ACTL8: variants seen among roughly 807,000 people sequenced by gnomAD.
ACTL8 encodes the protein actin like 8.
Under a neutral mutation model 9.3 loss-of-function variants are expected in ACTL8, and 3 were observed. The observed-to-expected ratio is 0.32, with a 90% CI of 0.15 to 0.83. The LOEUF is 0.83. Among genes scored for constraint, ACTL8 ranks in the 40% least tolerant of loss-of-function variants. ACTL8 has a pLI of 0.57. For synonymous variants in ACTL8, 224 were observed against 205.9 expected (o/e 1.09, Z -0.75); for missense variants, 381 against 492.2 (o/e 0.77, Z 2.14).
chr1:17,756,889 T>G (rs1183671157), intron 1 of ACTL8, among the ~76,000 whole-genome samples: 3 of 152,108 alleles, frequency 2.0e-5, no homozygotes, highest in African/African-American at 7.2e-5. Flanking sequence ...ATGAGGACTG[T>G]GAGAACTGTG....
intron 1 of ACTL8, among the ~76,000 whole-genome samples, chr1:17,761,221 C>G (rs1175531128): frequency 6.6e-6 from 1 of 151,678 alleles, no homozygotes; most frequent in Non-Finnish European, 1.5e-5. Context: ...AGCAGCCCTC[C>G]CGGCCTCCCA....
chr1:17,826,255 C>T lies in ACTL8; in HGVS notation c.837C>T (p.Ser279=), dbSNP rs551868811. 2.4e-5 allele frequency: 39 copies of T among 1,612,714 alleles called. No individual in the cohort carries two copies. Among genetic ancestry groups the T allele is most frequent in the Middle Eastern group, 1.6e-4 (1 of 6,082 alleles). Residue 279 remains serine (S), a synonymous_variant, in exon 3 of 3, where the codon TCC becomes TCT. Transcript: ENST00000375406. This position sits in a 1 kb window ranked among gnomAD's most constrained non-coding sequence, Gnocchi z 4.5. ...GCATCCCACGGGCCATTGTGGAATCCGTGGAGTCCTGCGAGATCTCCCTGC... is the reference window on the plus strand; with the variant it reads ...GCATCCCACGGGCCATTGTGGAATCTGTGGAGTCCTGCGAGATCTCCCTGC... ...GPSIPRAIVE[S]VESCEISLRP... is the part of the protein sequence containing the mutation.
chr1:17,788,210 C>T (rs937668823), intron 1 of ACTL8, among the ~76,000 whole-genome samples: 1 of 152,170 alleles, frequency 6.6e-6, no homozygotes, highest in African/African-American at 2.4e-5. Flanking sequence ...TTTATGATAT[C>T]CTTTGCTATG....
intron 2 of ACTL8, among the ~76,000 whole-genome samples, chr1:17,824,843 T>C (rs1385713278): frequency 2.0e-5 from 3 of 152,098 alleles, no homozygotes; most frequent in African/African-American, 7.2e-5. Context: ...TTGTATCTGA[T>C]TTTCTATTTG....
intron 1 of ACTL8, among the ~76,000 whole-genome samples, chr1:17,820,903 C>T (rs1310864731): frequency 6.6e-6 from 1 of 152,174 alleles, no homozygotes; most frequent in Non-Finnish European, 1.5e-5. Context: ...ATTTGCCATT[C>T]CCACCAGCTG....
At chr1:17,765,532 G>A (rs571392225) in intron 1 of ACTL8, among the ~76,000 whole-genome samples, 40 of 152,282 alleles carry the variant, frequency 2.6e-4, no homozygotes, top group Middle Eastern at 6.8e-3. Context: ...GTGAGGTAAC[G>A]TGCCCAAGCC....
intron 1 of ACTL8, among the ~76,000 whole-genome samples, chr1:17,791,566 G>A (rs146348562): frequency 3.2e-3 from 494 of 152,242 alleles, no homozygotes; most frequent in Middle Eastern, 6.8e-3. Flanking sequence ...GGTCTGCATC[G>A]GGCACATCGG....
intron 2 of ACTL8, 140 bp from the exon 3 acceptor site, chr1:17,825,627 C>T: frequency 4.5e-6 from 5 of 1,114,558 alleles, no homozygotes; most frequent in Non-Finnish European, 6.2e-6. Flanking sequence ...ATCCTCACTG[C>T]ATAAGCTCCA....
chr1:17,806,493 C>T (rs750543219), intron 1 of ACTL8, among the ~76,000 whole-genome samples: 5 of 152,234 alleles, frequency 3.3e-5, no homozygotes, highest in Non-Finnish European at 5.9e-5. Context: ...GCTCTGACTT[C>T]CCTGGTAATG....
intron 1 of ACTL8, among the ~76,000 whole-genome samples, chr1:17,755,796 C>G (rs566079668): frequency 6.6e-6 from 1 of 152,060 alleles, no homozygotes; most frequent in Non-Finnish European, 1.5e-5. Flanking sequence ...CTTGGGGGCC[C>G]AAGCTTAGCC....
At chr1:17,816,012 A>G (rs1009775141) in intron 1 of ACTL8, among the ~76,000 whole-genome samples, 5 of 152,168 alleles carry the variant, frequency 3.3e-5, no homozygotes, top group African/African-American at 1.2e-4. Flanking sequence ...GGGATACAAC[A>G]TGTTATAATT....
intron 1 of ACTL8, among the ~76,000 whole-genome samples, chr1:17,760,664 A>G (rs1195589915): frequency 6.6e-6 from 1 of 152,218 alleles, no homozygotes; most frequent in Non-Finnish European, 1.5e-5. Flanking sequence ...GGTGGGGCAC[A>G]GCTGCCCGTT....
At chr1:17,770,626 A>G (rs1032319838) in intron 1 of ACTL8, among the ~76,000 whole-genome samples, 2 of 152,184 alleles carry the variant, frequency 1.3e-5, no homozygotes, top group African/African-American at 4.8e-5. Flanking sequence ...AAGAGGATCT[A>G]GGGGTCATAC....
At chr1:17,766,862 T>G (rs2066048172) in intron 1 of ACTL8, among the ~76,000 whole-genome samples, 1 of 152,182 alleles carries the variant, frequency 6.6e-6, no homozygotes, top group Admixed American at 6.5e-5. Context: ...ATTCCTAAGC[T>G]ATGGTTGAAT....
In ACTL8 at chr1:17,825,842, C is replaced by T. The variant is rs2124198078; in HGVS notation, c.424C>T (p.Leu142Phe). The change falls in exon 3 of 3, where the codon CTC becomes TTC. Residue 142 changes from leucine (L) to phenylalanine (F), a missense_variant. By Grantham distance (22) the Leu-to-Phe change is conservative (BLOSUM62 0). Coordinates refer to ENST00000375406, the MANE Select transcript of ACTL8 (RefSeq NM_030812.3). ...GCAGATGTCCCTGTATGCCTCTGGC[C>T]TCCTGACCGGAGTGGTGGTTGATTC... ...QLQMSLYASG[L>F]LTGVVVDSGY... 1 of 1,614,140 alleles carries T rather than the reference C, an allele frequency of 6.2e-7. No homozygotes were observed. Among genetic ancestry groups the T allele is most frequent in the East Asian group, 2.2e-5 (1 of 44,880 alleles).
chr1:17,780,986 A>G (rs1488177071), intron 1 of ACTL8, among the ~76,000 whole-genome samples: 1 of 152,068 alleles, frequency 6.6e-6, no homozygotes, highest in Non-Finnish European at 1.5e-5. Flanking sequence ...AGAGAAATGT[A>G]TTCTTTCATA....
intron 1 of ACTL8, among the ~76,000 whole-genome samples, chr1:17,756,634 C>G (rs1159904354): frequency 6.6e-6 from 1 of 152,194 alleles, no homozygotes; most frequent in East Asian, 1.9e-4. Context: ...CAAACTGATA[C>G]AGAATTGGTG....
intron 1 of ACTL8, among the ~76,000 whole-genome samples, chr1:17,772,808 A>G (rs532381487): frequency 2.6e-5 from 4 of 152,272 alleles, no homozygotes; most frequent in African/African-American, 9.6e-5. Context: ...GGCCAGACCC[A>G]GGCAGTCTAA....
intron 1 of ACTL8, among the ~76,000 whole-genome samples, chr1:17,807,785 G>A (rs545585213): frequency 6.6e-6 from 1 of 151,262 alleles, no homozygotes; most frequent in South Asian, 2.1e-4. Context: ...ATAAGTGGGA[G>A]TTGAATAATG....
Sources: gnomAD v4.1 joint callset for allele counts (sites outside exome capture counted in the v4.1 genomes callset) on GRCh38, gnomAD v4.1.1 for gene constraint, Gnocchi (gnomAD v3.1) non-coding constraint, MANE v1.5 for transcripts, NCBI Gene and HGNC (gene_info 2026-07-23, HGNC 2026-07-21) for gene names.